HS2ST1: variants seen among roughly 807,000 people sequenced by gnomAD.
The protein encoded by HS2ST1 is heparan sulfate 2-O-sulfotransferase 1.
HS2ST1 carries 18 observed loss-of-function variants against 42.9 expected under a neutral mutation model. That is an observed-to-expected ratio of 0.42 (90% CI 0.29 to 0.62). HS2ST1 has a LOEUF of 0.62. Ranked by LOEUF, HS2ST1 falls within the 20% of genes least tolerant of loss-of-function variation. The probability of loss-of-function intolerance (pLI) is 0.21; values close to 1 mark genes in which losing one functional copy is unlikely to be tolerated. For missense variants in HS2ST1, 334 were observed against 433.8 expected (o/e 0.77, Z 2.04); for synonymous variants, 146 against 152.9 (o/e 0.95, Z 0.33).
Position 87,034,586 on chromosome 1 carries a change from A to G in HS2ST1, c.125-38348A>G, listed in dbSNP as rs561614616. Among the ~76,000 whole-genome samples, 10 of 152,360 alleles carry G rather than the reference A, an allele frequency of 6.6e-5. No homozygotes were observed. In the South Asian group the frequency reaches 8.3e-4, roughly 13 times the overall value. On this transcript the variant is annotated intron_variant, in intron 1 of 6. Coordinates refer to ENST00000370550, the MANE Select transcript of HS2ST1 (RefSeq NM_012262.4). ...TACTCTAGCTAGTACAATGAGCTCT[A>G]GGAAATCAGAATCACATTTTGAAAG...
intron 1 of HS2ST1, among the ~76,000 whole-genome samples, chr1:87,015,200 C>T (rs1185783601): frequency 6.6e-6 from 1 of 152,134 alleles, no homozygotes; most frequent in Non-Finnish European, 1.5e-5. Context: ...AGACACGCCC[C>T]ACTAAGCTCA....
chr1:86,915,606 G>A (rs188281523), intron 1 of HS2ST1, among the ~76,000 whole-genome samples: 16 of 152,308 alleles, frequency 1.1e-4, no homozygotes, highest in Middle Eastern at 3.4e-3. Context: ...GAATTCTTTT[G>A]GGGGCTCATG....
At chr1:86,976,811 T>G (rs1415557612) in intron 1 of HS2ST1, among the ~76,000 whole-genome samples, 1 of 148,684 alleles carries the variant, frequency 6.7e-6, no homozygotes, top group Non-Finnish European at 1.5e-5. Context: ...TGGCTCATAC[T>G]TGTAATACCA....
rs112406820 is a variant in HS2ST1 at position 87,060,333 on chromosome 1, C to CA, written c.125-12593dup. Among the ~76,000 whole-genome samples, 306 of 151,074 alleles carry CA rather than the reference C, an allele frequency of 2.0e-3. 1 individual carries two copies. Among genetic ancestry groups the CA allele is most frequent in the Non-Finnish European group, 2.9e-3 (197 of 67,630 alleles). On this transcript the variant is annotated intron_variant, in intron 1 of 6. Transcript: ENST00000370550. ...ATCAAATAATTTTAAAAGGCATTTGCAAAAAAAAGGTAGTTCTATAATATT... is the reference window on the plus strand; with the variant it reads ...ATCAAATAATTTTAAAAGGCATTTGCAAAAAAAAAGGTAGTTCTATAATATT...
At chr1:87,012,925 A>G (rs946539439) in intron 1 of HS2ST1, among the ~76,000 whole-genome samples, 1 of 152,208 alleles carries the variant, frequency 6.6e-6, no homozygotes, top group African/African-American at 2.4e-5. Flanking sequence ...TTGACTCCCT[A>G]TCTTACATCC....
At chr1:86,918,037 A>G (rs912059937) in intron 1 of HS2ST1, among the ~76,000 whole-genome samples, 1 of 152,192 alleles carries the variant, frequency 6.6e-6, no homozygotes, top group Non-Finnish European at 1.5e-5. Context: ...AAAAGTAGTT[A>G]TTATCATTTT....
chr1:87,093,545 G>A (rs987473851), intron 4 of HS2ST1, among the ~76,000 whole-genome samples: 2 of 151,952 alleles, frequency 1.3e-5, no homozygotes, highest in Non-Finnish European at 2.9e-5. Context: ...TTCATTCAAA[G>A]CTCTCTTTTA....
intron 1 of HS2ST1, 115 bp downstream of exon 1, chr1:86,915,275 T>G (rs1570417055): frequency 1.6e-6 from 2 of 1,213,694 alleles, no homozygotes; most frequent in Non-Finnish European, 2.2e-6. Context: ...CTGAAAGCGG[T>G]TTCAAAGAGA....
chr1:86,997,716 G>T (rs1185007216), intron 1 of HS2ST1, among the ~76,000 whole-genome samples: 1 of 152,170 alleles, frequency 6.6e-6, no homozygotes, highest in Non-Finnish European at 1.5e-5. Flanking sequence ...TGAACTCTAT[G>T]TGCAGTGTCA....
intron 1 of HS2ST1, among the ~76,000 whole-genome samples, chr1:86,992,704 A>G (rs1648990858): frequency 1.3e-5 from 2 of 152,296 alleles, no homozygotes; most frequent in South Asian, 4.1e-4. Context: ...GAAGAAAAAT[A>G]TCTTTTTCTT....
chr1:87,002,959 A>G (rs1041875607), intron 1 of HS2ST1, among the ~76,000 whole-genome samples: 1 of 152,276 alleles, frequency 6.6e-6, no homozygotes, highest in Non-Finnish European at 1.5e-5. Flanking sequence ...TGTACAACAC[A>G]TAAGTGAACT....
At chr1:86,920,853 T>A (rs1289673459) in intron 1 of HS2ST1, among the ~76,000 whole-genome samples, 1 of 152,178 alleles carries the variant, frequency 6.6e-6, no homozygotes, top group Non-Finnish European at 1.5e-5. Context: ...GTGCACCTGA[T>A]TCTGTTGCCT....
chr1:86,958,280 G>T (rs1322167426), intron 1 of HS2ST1, among the ~76,000 whole-genome samples: 1 of 152,220 alleles, frequency 6.6e-6, no homozygotes, highest in Non-Finnish European at 1.5e-5. Flanking sequence ...CACAAATTTT[G>T]TGTGTATGTT....
At chr1:86,958,483 G>A (rs1221047168) in intron 1 of HS2ST1, 1 of 152,392 alleles carries the variant, frequency 6.6e-6, no homozygotes, top group Admixed American at 6.5e-5. Flanking sequence ...TCTCAGGAGT[G>A]GCAAAGGTGG....
chr1:86,981,048 T>C (rs1323943994), intron 1 of HS2ST1, among the ~76,000 whole-genome samples: 2 of 151,996 alleles, frequency 1.3e-5, no homozygotes, highest in African/African-American at 4.8e-5. Context: ...ACAATCATGG[T>C]GGAAGGCGAA....
intron 1 of HS2ST1, among the ~76,000 whole-genome samples, chr1:86,934,094 C>T (rs1355612183): frequency 6.6e-6 from 1 of 152,134 alleles, no homozygotes; most frequent in African/African-American, 2.4e-5. Context: ...CTCCTGCAAC[C>T]TTTACCTCCC....
intron 1 of HS2ST1, among the ~76,000 whole-genome samples, chr1:87,022,193 A>T (rs1017068435): frequency 1.3e-5 from 2 of 152,196 alleles, no homozygotes; most frequent in Non-Finnish European, 2.9e-5. Context: ...TTTTTTAAAG[A>T]TAATTTTTCA....
intron 1 of HS2ST1, among the ~76,000 whole-genome samples, chr1:86,970,803 A>C (rs1648211162): frequency 6.6e-6 from 1 of 152,210 alleles, no homozygotes; most frequent in Non-Finnish European, 1.5e-5. Context: ...AAAATTATAG[A>C]AATAATTTAA....
At chr1:87,045,127 G>A in intron 1 of HS2ST1, 1 of 867,088 alleles carries the variant, frequency 1.2e-6, no homozygotes, top group Admixed American at 1.8e-5. Flanking sequence ...GAGGTGGAAG[G>A]CTGACCTCCA....
Sources: allele counts gnomAD v4.1 joint callset (sites outside exome capture counted in the v4.1 genomes callset), GRCh38; gene constraint gnomAD v4.1.1; transcripts MANE v1.5; gene names NCBI Gene and HGNC (gene_info 2026-07-23, HGNC 2026-07-21).